The following WASHC2C variants were observed in gnomAD, a reference collection of about 807,000 sequenced individuals.
WASHC2C encodes the protein WASH complex subunit 2C, also known as Vaccinia Penetration Factor.
A neutral mutation model predicts 142.2 loss-of-function variants in WASHC2C; 73 were observed. The ratio of observed to expected loss-of-function variants is 0.51; its 90% CI spans 0.43 to 0.62. The LOEUF is 0.62. Among genes scored for constraint, WASHC2C ranks in the 20% least tolerant of loss-of-function variants. The pLI, the probability that WASHC2C is intolerant of heterozygous loss-of-function variation, is 0.00. For missense variants in WASHC2C, 969 were observed against 1,531.7 expected, an observed-to-expected ratio of 0.63 and a Z score of 6.13; for synonymous variants, 337 against 565.5, an observed-to-expected ratio of 0.60 and a Z score of 5.73.
chr10:45,728,041 T>C (rs891704234), intron 2 of WASHC2C, among the ~76,000 whole-genome samples: 1 of 152,170 alleles, frequency 6.6e-6, no homozygotes, highest in African/African-American at 2.4e-5. Context: ...AGAGGACTTT[T>C]AAAAGGAGAC....
intron 5 of WASHC2C, among the ~76,000 whole-genome samples, chr10:45,741,798 AT>A (rs544788263): frequency 1.1e-3 from 133 of 125,790 alleles, no homozygotes; most frequent in East Asian, 4.1e-3. Context: ...TCTTGACCCT[AT>A]TTTTTTTTTT....
intron 17 of WASHC2C, among the ~76,000 whole-genome samples, chr10:45,761,302 G>A (rs2055045014): frequency 6.6e-6 from 1 of 152,182 alleles, no homozygotes; most frequent in African/African-American, 2.4e-5. Flanking sequence ...AGTCCTCAGA[G>A]AGAGCCCGAT....
At chr10:45,736,206 C>G (rs1554864595) in intron 3 of WASHC2C, among the ~76,000 whole-genome samples, 2 of 150,988 alleles carry the variant, frequency 1.3e-5, no homozygotes, top group African/African-American at 4.9e-5. Flanking sequence ...AGATTGAGAC[C>G]ATCCTGGTTA....
At chr10:45,758,168 G>C (rs1316402924) in intron 16 of WASHC2C, among the ~76,000 whole-genome samples, 1 of 152,068 alleles carries the variant, frequency 6.6e-6, no homozygotes, top group East Asian at 1.9e-4. Context: ...GTTTTGGCAA[G>C]AATACAAGCA....
chr10:45,781,028 A>G (rs1316232362), intron 23 of WASHC2C, among the ~76,000 whole-genome samples: 2 of 151,794 alleles, frequency 1.3e-5, no homozygotes, highest in African/African-American at 4.8e-5. Context: ...TGCTGGGATT[A>G]CAGGCATGAG....
chr10:45,763,180 TCTC>T (rs1438046628), intron 17 of WASHC2C, among the ~76,000 whole-genome samples: 2 of 152,050 alleles, frequency 1.3e-5, no homozygotes, highest in Non-Finnish European at 2.9e-5. Flanking sequence ...ATCCTGTAGC[TCTC>T]CTCCTCCTTA....
Position 45,777,287 on chromosome 10 carries a change from C to T in WASHC2C, c.2157C>T (p.Val719=). The part of the protein sequence containing the change: ...VPPATKKKET[V]SEAPPLLFSD... The stretch of plus-strand genomic sequence containing the variant: ...TCTTTTGGTAGAAAAAAGAGACTGT[C>T]TCTGAGGCACCACCTTTGCTGTTCA... Residue 719 remains valine (V), a synonymous_variant, in exon 22 of 31, where the codon GTC becomes GTT. Coordinates refer to ENST00000623400, the MANE Select transcript of WASHC2C (RefSeq NM_001330074.2). The T allele has an allele frequency of 6.3e-7, 1 of 1,598,258 alleles. No homozygotes were observed. The highest frequency in any genetic ancestry group is 1.1e-5 in the South Asian group (1 of 90,598).
chr10:45,757,757 C>G (rs535017532), intron 16 of WASHC2C, among the ~76,000 whole-genome samples: 1 of 152,314 alleles, frequency 6.6e-6, no homozygotes, highest in South Asian at 2.1e-4. Context: ...CAATCTAGAT[C>G]CCTCGCATGC....
At chr10:45,737,860 C>T in intron 3 of WASHC2C, 123 bp from the exon 4 acceptor site, 2 of 1,602,174 alleles carry the variant, frequency 1.2e-6, no homozygotes, top group African/African-American at 1.3e-5. Flanking sequence ...GTGGTCTCAG[C>T]CCTTTGCTGA....
chr10:45,729,783 G>A (rs1243236233), intron 3 of WASHC2C, among the ~76,000 whole-genome samples: 5 of 145,038 alleles, frequency 3.4e-5, no homozygotes, highest in African/African-American at 7.7e-5. Context: ...TAAAGTAAGC[G>A]ATCTCCCGAG....
chr10:45,770,628 T>C (rs1181573401), intron 20 of WASHC2C, among the ~76,000 whole-genome samples: 1 of 152,244 alleles, frequency 6.6e-6, no homozygotes, highest in Non-Finnish European at 1.5e-5. Context: ...CAGAAGTACC[T>C]CAGGTTTCTG....
chr10:45,791,765 CT>C (rs1269473099), intron 30 of WASHC2C, among the ~76,000 whole-genome samples: 1 of 146,098 alleles, frequency 6.8e-6, no homozygotes, highest in Non-Finnish European at 1.5e-5. Context: ...ATAAGACAAG[CT>C]TTTGAGTCAG....
chr10:45,770,770 G>T lies in WASHC2C; in HGVS notation c.2039+1152G>T, dbSNP rs1351211915. Among the ~76,000 whole-genome samples, 4 of 152,150 alleles carry T rather than the reference G, an allele frequency of 2.6e-5. No individual in the cohort carries two copies. The East Asian group carries it at 7.7e-4, about 29-fold the overall frequency. On this transcript the variant is annotated intron_variant, in intron 20 of 30. Coordinates refer to ENST00000623400, the MANE Select transcript of WASHC2C (RefSeq NM_001330074.2). ...AAAGTTGATATTAAATTCTGATTCT[G>T]CCAGTTCCTGTCTGAATAACCTTGG...
intron 23 of WASHC2C, among the ~76,000 whole-genome samples, chr10:45,779,978 C>A (rs1589904734): frequency 7.3e-6 from 1 of 137,700 alleles, no homozygotes. Flanking sequence ...AACGAGACTC[C>A]ATCTCAAAAA....
intron 30 of WASHC2C, among the ~76,000 whole-genome samples, chr10:45,790,780 C>T (rs2058349793): frequency 6.6e-6 from 1 of 152,212 alleles, no homozygotes; most frequent in African/African-American, 2.4e-5. Flanking sequence ...TATAATTTAA[C>T]TTTGATCTCA....
chr10:45,739,708 G>C (rs2051744771), intron 4 of WASHC2C, among the ~76,000 whole-genome samples: 2 of 151,922 alleles, frequency 1.3e-5, no homozygotes, highest in Non-Finnish European at 2.9e-5. Context: ...GGATAACCAG[G>C]GCTCGTGGGA....
rs111935127 is a variant in WASHC2C at position 45,741,350 on chromosome 10, C to T, written c.528+1104C>T. Among the ~76,000 whole-genome samples the T allele has an allele frequency of 2.2e-3, 342 of 152,312 alleles. 3 individuals carry two copies. Among genetic ancestry groups the T allele is most frequent in the African/African-American group, 7.7e-3 (322 of 41,562 alleles). ...GCAGATCATTTGGCACTGACCAGTA[C>T]ACTTGCTGCTTGGATTTTCACTGTA... On this transcript the variant is annotated intron_variant, in intron 5 of 30. Transcript: ENST00000623400.
intron 14 of WASHC2C, 86 bp from the exon 15 acceptor site, chr10:45,754,850 T>A: frequency 1.3e-6 from 2 of 1,522,960 alleles, no homozygotes; most frequent in Non-Finnish European, 8.9e-7. Flanking sequence ...AAATGGAAAG[T>A]TTTTGGTGGG....
At chr10:45,779,968 A>G (rs2057370140) in intron 23 of WASHC2C, among the ~76,000 whole-genome samples, 1 of 150,824 alleles carries the variant, frequency 6.6e-6, no homozygotes, top group Non-Finnish European at 1.5e-5. Flanking sequence ...GTGGCAACAG[A>G]ACGAGACTCC....
Sources: allele counts gnomAD v4.1 joint callset (sites outside exome capture counted in the v4.1 genomes callset), GRCh38; gene constraint gnomAD v4.1.1; transcripts MANE v1.5; gene names NCBI Gene and HGNC (gene_info 2026-07-23, HGNC 2026-07-21).